Variants in PAPLN observed in about 807,000 individuals in gnomAD.
The protein encoded by PAPLN is papilin, proteoglycan like sulfated glycoprotein.
In PAPLN, 146 loss-of-function variants were observed where a neutral mutation model predicts 159.0. The ratio of observed to expected loss-of-function variants is 0.92; its 90% CI spans 0.80 to 1.05. The LOEUF (loss-of-function observed/expected upper bound fraction) is 1.05, where lower values mean the gene tolerates loss of function less well. Among genes scored for constraint, PAPLN ranks in the 50% least tolerant of loss-of-function variants. The pLI is 0.00. For missense variants in PAPLN, 1,720 were observed against 1,743.9 expected, an observed-to-expected ratio of 0.99 and a Z score of 0.24; for synonymous variants, 734 against 702.9, an observed-to-expected ratio of 1.04 and a Z score of -0.70.
chr14:73,271,875 C>T (rs1004401000), intron 26 of PAPLN, among the ~76,000 whole-genome samples: 2 of 134,480 alleles, frequency 1.5e-5, no homozygotes, highest in Admixed American at 1.5e-4. Flanking sequence ...AAGGGCTTTG[C>T]TTTGTTCTCA....
At chr14:73,259,082 CACTCAGAG>C in intron 15 of PAPLN, 23 bp downstream of exon 15, 1 of 1,595,976 alleles carries the variant, frequency 6.3e-7, no homozygotes, top group East Asian at 2.2e-5. Flanking sequence ...TCCCGTCCCC[CACTCAGAG>C]CCCTGTAGTT....
rs372544335 is a variant in PAPLN at position 73,261,122 on chromosome 14, C to G, written c.2107-34C>G. On this transcript the variant is annotated intron_variant, in intron 17 of 26. Coordinates refer to ENST00000644200, the MANE Select transcript of PAPLN (RefSeq NM_001365906.3). ...GAGTCCCCAACAATGGCCAGATCCA[C>G]TGCCCACTTCCCAATCATGGGTTTC... 2.5e-6 allele frequency: 4 copies of G among 1,613,968 alleles called. No individual in the cohort carries two copies. In the African/African-American group the frequency reaches 5.3e-5, roughly 22 times the overall value.
Position 73,259,640 on chromosome 14 carries a change from G to T in PAPLN, c.1985+95G>T. 3 of 1,381,442 alleles carry T rather than the reference G, an allele frequency of 2.2e-6. No homozygotes were observed. In the South Asian group the frequency reaches 4.9e-5, roughly 23 times the overall value. The allele number at this position is 1,381,442 out of a possible 1,614,324, so 85.6% of individuals were successfully genotyped here. ...ACATCTCTGATCAGAAGAGGGCTGG[G>T]GTGGGTGTGCAGAGCTCAGGAATAG... On this transcript the variant is annotated intron_variant, in intron 16 of 26. Coordinates refer to ENST00000644200, the MANE Select transcript of PAPLN (RefSeq NM_001365906.3).
chr14:73,272,370 G>A (rs894534684), intron 26 of PAPLN, 125 bp from the exon 27 acceptor site: 16 of 876,152 alleles, frequency 1.8e-5, no homozygotes, highest in Non-Finnish European at 2.7e-5. Flanking sequence ...CAGGGTAAGT[G>A]CACTTCGTTT....
intron 1 of PAPLN, among the ~76,000 whole-genome samples, chr14:73,238,138 G>A (rs1883172313): frequency 6.6e-6 from 1 of 152,224 alleles, no homozygotes; most frequent in South Asian, 2.1e-4. Flanking sequence ...GGGCCACGGG[G>A]ACGGGCGTCT....
intron 14 of PAPLN, among the ~76,000 whole-genome samples, chr14:73,257,559 C>T (rs1218748619): frequency 6.6e-6 from 1 of 151,922 alleles, no homozygotes; most frequent in Non-Finnish European, 1.5e-5. Context: ...TAAATAATTC[C>T]ATATACCCTA....
At position 73,246,090 on chromosome 14, in the gene PAPLN, C is replaced by T. The variant is rs963824955; in HGVS notation, c.249C>T (p.Ala83=). ...SCRTESCPDG[A]RDFRAEQCAE... is the part of the protein sequence containing the mutation. The stretch of plus-strand genomic sequence containing the variant: ...CCCCGCAGAGCTGCCCCGACGGCGC[C>T]CGGGACTTCCGGGCCGAGCAGTGCG... The change falls in exon 5 of 27, where the codon GCC becomes GCT. Residue 83 remains alanine (A), a synonymous_variant. Coordinates refer to ENST00000644200, the MANE Select transcript of PAPLN (RefSeq NM_001365906.3). 3 of 1,570,618 alleles carry T rather than the reference C, an allele frequency of 1.9e-6. No homozygotes were observed. The highest frequency in any genetic ancestry group is 4.9e-5 in the East Asian group (2 of 40,608).
chr14:73,238,469 G>A (rs1290590492), intron 1 of PAPLN, among the ~76,000 whole-genome samples: 1 of 152,274 alleles, frequency 6.6e-6, no homozygotes, highest in Non-Finnish European at 1.5e-5. Flanking sequence ...TCAGACTTCG[G>A]AATGGCAGAT....
intron 25 of PAPLN, 187 bp from the exon 26 acceptor site, chr14:73,268,370 G>A (rs1170859250): frequency 5.5e-6 from 3 of 542,652 alleles, no homozygotes; most frequent in Non-Finnish European, 9.5e-6. Context: ...GGTTGGAGGG[G>A]CACCATCATC....
intron 17 of PAPLN, 107 bp from the exon 18 acceptor site, chr14:73,261,049 G>A: frequency 6.4e-7 from 1 of 1,574,378 alleles, no homozygotes; most frequent in Non-Finnish European, 8.7e-7. Context: ...TCTCCCCTGG[G>A]CTGGGGTTCT....
rs758739446 is a variant in PAPLN at position 73,264,268 on chromosome 14, G to A, written c.2919G>A (p.Ala973=). The A allele has an allele frequency of 1.9e-5, 31 of 1,613,808 alleles. No individual in the cohort carries two copies. The highest frequency in any genetic ancestry group is 1.3e-4 in the South Asian group (12 of 91,084). Residue 973 remains alanine (A), a synonymous_variant, in exon 21 of 27, where the codon GCG becomes GCA. Transcript: ENST00000644200. The stretch of plus-strand genomic sequence containing the variant: ...TCCACCCCCTGCAGGCAGAGGACGC[G>A]GGCACCTACAGCTGTGGCAGCACCC... ...LIIHPLQAED[A]GTYSCGSTRP...
chr14:73,270,395 G>A (rs950776697), intron 26 of PAPLN, among the ~76,000 whole-genome samples: 1 of 152,222 alleles, frequency 6.6e-6, no homozygotes, highest in Non-Finnish European at 1.5e-5. Context: ...CCCGCCGCTC[G>A]CAGCTCGGTG....
chr14:73,246,028 T>A, intron 4 of PAPLN, 45 bp from the exon 5 acceptor site: 1 of 1,486,684 alleles, frequency 6.7e-7, no homozygotes, highest in South Asian at 1.3e-5. Flanking sequence ...TGGGCGGACC[T>A]CGGACTCCGC....
chr14:73,252,942 A>G (rs1885463467), intron 11 of PAPLN, among the ~76,000 whole-genome samples, 167 bp downstream of exon 11: 1 of 152,176 alleles, frequency 6.6e-6, no homozygotes, highest in Admixed American at 6.5e-5. Flanking sequence ...TGGGGGAGGC[A>G]GAGAATAGGC....
At chr14:73,242,215 T>C (rs770447555) in intron 2 of PAPLN, among the ~76,000 whole-genome samples, 1 of 152,146 alleles carries the variant, frequency 6.6e-6, no homozygotes, top group Non-Finnish European at 1.5e-5. Flanking sequence ...GCCTTACAGG[T>C]GCTGGGCACA....
chr14:73,268,964 C>T (rs1887465822), intron 26 of PAPLN, among the ~76,000 whole-genome samples: 1 of 152,166 alleles, frequency 6.6e-6, no homozygotes, highest in South Asian at 2.1e-4. Context: ...TGATGCTCTG[C>T]TGGGCCCCTG....
chr14:73,253,407 A>C (rs568521062), intron 11 of PAPLN, among the ~76,000 whole-genome samples: 5 of 152,328 alleles, frequency 3.3e-5, no homozygotes, highest in African/African-American at 1.2e-4. Context: ...ATGGGTGAGC[A>C]CAGCCTCTCC....
In PAPLN at chr14:73,252,685, A is replaced by C; in HGVS notation, c.1004A>C (p.His335Pro). 1 of 1,613,370 alleles carries C rather than the reference A, an allele frequency of 6.2e-7. No individual in the cohort carries two copies. The highest frequency in any genetic ancestry group is 2.2e-5 in the East Asian group (1 of 44,870). The change falls in exon 11 of 27, where the codon CAT (histidine) becomes CCT (proline). Residue 335 changes from histidine to proline, a missense_variant. By Grantham distance (77) the His-to-Pro change is moderately conservative. Coordinates refer to ENST00000644200, the MANE Select transcript of PAPLN (RefSeq NM_001365906.3). ...CGCCTGGTGTTCTGCACCATCGACC[A>C]TGAGGCCTACCCCGACCACATGTGC... ...QSRLVFCTID[H>P]EAYPDHMCQR...
chr14:73,263,887 G>GC (rs1886871935), intron 20 of PAPLN, 105 bp downstream of exon 20: 2 of 1,278,936 alleles, frequency 1.6e-6, no homozygotes, highest in South Asian at 1.3e-5. Flanking sequence ...AGGTGTGACA[G>GC]ACCCCCTCCT....
Sources: allele counts gnomAD v4.1 joint callset (sites outside exome capture counted in the v4.1 genomes callset), GRCh38; gene constraint gnomAD v4.1.1; transcripts MANE v1.5; gene names NCBI Gene and HGNC (gene_info 2026-07-23, HGNC 2026-07-21).